Variants in VCPIP1 observed in about 807,000 individuals in gnomAD.
VCPIP1 encodes the protein valosin containing protein interacting protein 1, also known as deubiquitinating protein VCPIP1.
A neutral mutation model predicts 85.0 loss-of-function variants in VCPIP1; 8 were observed. That is an observed-to-expected ratio of 0.09 (90% confidence interval 0.06 to 0.17). The LOEUF (loss-of-function observed/expected upper bound fraction) is 0.17, where lower values mean the gene tolerates loss of function less well. Ranked by LOEUF, VCPIP1 falls within the 10% of genes least tolerant of loss-of-function variation. The probability of loss-of-function intolerance (pLI) is 1.00; values close to 1 mark genes in which losing one functional copy is unlikely to be tolerated. For missense variants in VCPIP1, 1,070 were observed against 1,486.3 expected, an observed-to-expected ratio of 0.72 and a Z score of 4.61; for synonymous variants, 543 against 544.5, an observed-to-expected ratio of 1.00 and a Z score of 0.04.
chr8:66,664,636 T>C lies in VCPIP1; in HGVS notation c.2323A>G (p.Lys775Glu). The change falls in exon 1 of 3, where the codon AAG becomes GAG. Residue 775 changes from lysine (K) to glutamate (E), a missense_variant. Physicochemically the swap from Lys to Glu is moderately conservative, Grantham distance 56. Around this residue, in one of 8 missense-constraint regions of VCPIP1, gnomAD observed 278 missense variants for 298.5 expected, o/e 0.93. Coordinates refer to ENST00000310421, the MANE Select transcript of VCPIP1 (RefSeq NM_025054.5). ...TCATTAGTTGTGATTCGGATCTTCT[T>C]CTCCTTAGAAGTTGTCGGTGAATAG... ...APYSPTTSKEKKIRITTNDGR... is the reference protein window; with the variant it reads ...APYSPTTSKEEKIRITTNDGR... The C allele has an allele frequency of 6.2e-7, 1 of 1,613,878 alleles. No individual in the cohort carries two copies.
intron 2 of VCPIP1, among the ~76,000 whole-genome samples, chr8:66,636,546 C>T (rs1255975256): frequency 6.6e-6 from 1 of 151,912 alleles, no homozygotes; most frequent in Non-Finnish European, 1.5e-5. Context: ...AGTTTGAGAC[C>T]AGCCTGGCCA....
intron 2 of VCPIP1, among the ~76,000 whole-genome samples, chr8:66,639,168 A>G (rs1810922547): frequency 6.6e-6 from 1 of 151,474 alleles, no homozygotes; most frequent in Admixed American, 6.6e-5. Context: ...TATTTTTAGT[A>G]GAGACAGGGT....
chr8:66,666,935 C>A lies in VCPIP1; in HGVS notation c.24G>T (p.Pro8=), dbSNP rs1811222869. 1.3e-6 allele frequency: 2 copies of A among 1,563,712 alleles called. No homozygotes were observed. The highest frequency in any genetic ancestry group is 1.7e-6 in the Non-Finnish European group (2 of 1,159,738). Residue 8 remains proline, a synonymous_variant, in exon 1 of 3, where the codon CCG becomes CCT. Coordinates refer to ENST00000310421, the MANE Select transcript of VCPIP1 (RefSeq NM_025054.5). The surrounding 1 kb of genome is among the most constrained non-coding windows in gnomAD (Gnocchi z 6.3). The part of the protein sequence containing the change: MSQPPPP[P]PPLPPPPPPP... Reference sequence around the variant, plus strand: ...GAGGAGGTGGCGGCGGCAACGGAGGCGGCGGCGGCGGCGGCTGAGACATAG... The same window carrying A: ...GAGGAGGTGGCGGCGGCAACGGAGGAGGCGGCGGCGGCGGCTGAGACATAG...
rs1008008964 is a variant in VCPIP1, at chr8:66,632,765, G to A, written c.*1736C>T. ...TTTGTAATTCGTAGTTTAATACACA[G>A]AAGCCACCTTTACTAAGTAGTAAAT... On this transcript the variant is annotated 3_prime_UTR_variant, in exon 3 of 3. Transcript: ENST00000310421. 2 of 152,078 alleles carry A rather than the reference G, an allele frequency of 1.3e-5. No homozygotes were observed. Among genetic ancestry groups the A allele is most frequent in the African/African-American group, 4.8e-5 (2 of 41,436 alleles). The allele number at this position is 152,078 out of a possible 1,614,324, so 9.4% of individuals were successfully genotyped here.
At chr8:66,654,788 C>A (rs1451765850) in intron 1 of VCPIP1, among the ~76,000 whole-genome samples, 1 of 152,166 alleles carries the variant, frequency 6.6e-6, no homozygotes, top group East Asian at 1.9e-4. Flanking sequence ...GCTGGTTTCC[C>A]TTGAGTCTTA....
At position 66,632,063 on chromosome 8, in the gene VCPIP1, G is replaced by A. The variant is rs1810839005; in HGVS notation, c.*2438C>T. On this transcript the variant is annotated 3_prime_UTR_variant, in exon 3 of 3. Transcript: ENST00000310421. ...ATTTTAGTTATAATGTTACCTCTAGGGCTAAAAAAAAAAAAAAAAACAAAT... is the reference window on the plus strand; with the variant it reads ...ATTTTAGTTATAATGTTACCTCTAGAGCTAAAAAAAAAAAAAAAAACAAAT... 6.7e-6 allele frequency: 1 copy of A among 148,570 alleles called. No individual in the cohort carries two copies. The highest frequency in any genetic ancestry group is 2.5e-5 in the African/African-American group (1 of 40,238). The allele number at this position is 148,570 out of a possible 1,614,324, so 9.2% of individuals were successfully genotyped here.
rs561106103 is a variant in VCPIP1 at position 66,642,850 on chromosome 8, G to A, written c.2798-7478C>T. ...AAAACACAACTGAAGGAAATTATTT[G>A]CAGTTGCATGGAAGATAGTGCATAT... On this transcript the variant is annotated intron_variant, in intron 2 of 2. Coordinates refer to ENST00000310421, the MANE Select transcript of VCPIP1 (RefSeq NM_025054.5). 4.6e-5 allele frequency among the ~76,000 whole-genome samples: 7 copies of A among 150,928 alleles called. No homozygotes were observed. In the South Asian group the frequency reaches 1.5e-3, roughly 32 times the overall value.
At chr8:66,639,600 A>T (rs187157642) in intron 2 of VCPIP1, among the ~76,000 whole-genome samples, 1 of 152,200 alleles carries the variant, frequency 6.6e-6, no homozygotes, top group East Asian at 1.9e-4. Flanking sequence ...TACTGGGATT[A>T]TAGGCATGGA....
chr8:66,664,597 T>A lies in VCPIP1; in HGVS notation c.2362A>T (p.Met788Leu). The A allele has an allele frequency of 6.2e-7, 1 of 1,614,178 alleles. No homozygotes were observed. The highest frequency in any genetic ancestry group is 1.1e-5 in the South Asian group (1 of 91,076). Residue 788 changes from methionine to leucine, a missense_variant, in exon 1 of 3, where the codon ATG (methionine) becomes TTG (leucine). By Grantham distance (15) the Met-to-Leu change is conservative. Transcript: ENST00000310421. ...RITTNDGRQSMVTLKSSTTFF... is the reference protein window; with the variant it reads ...RITTNDGRQSLVTLKSSTTFF... The stretch of plus-strand genomic sequence containing the variant: ...GTTGTTGAAGACTTAAGGGTAACCA[T>A]GGACTGTCGTCCATCATTAGTTGTG...
intron 1 of VCPIP1, among the ~76,000 whole-genome samples, chr8:66,651,941 G>C (rs959690181): frequency 6.6e-6 from 1 of 151,704 alleles, no homozygotes; most frequent in Admixed American, 6.6e-5. Flanking sequence ...GTACTTTGGG[G>C]GTCTGTGGAT....
rs1810831850 is a variant in VCPIP1 at position 66,631,241 on chromosome 8, T to C, written c.*3260A>G. ...AAATGAAGACAAAACTGTATTGATA[T>C]TCTGAAATAAACACTTTATGCTGCC... On this transcript the variant is annotated 3_prime_UTR_variant, in exon 3 of 3. Transcript: ENST00000310421. 1 of 152,218 alleles carries C rather than the reference T, an allele frequency of 6.6e-6. No individual in the cohort carries two copies. Among genetic ancestry groups the C allele is most frequent in the South Asian group, 2.1e-4 (1 of 4,836 alleles). 9.4% of individuals were successfully genotyped at this position (152,218 alleles called of 1,614,324 possible). A position where few individuals can be genotyped will look rare whatever the true frequency, so the allele number is the denominator to read the frequency against.
intron 1 of VCPIP1, among the ~76,000 whole-genome samples, chr8:66,654,228 C>T (rs1302707439): frequency 1.3e-5 from 2 of 152,280 alleles, no homozygotes; most frequent in Non-Finnish European, 2.9e-5. Context: ...GTAATCCCAA[C>T]ACTTTGGGAG....
intron 1 of VCPIP1, among the ~76,000 whole-genome samples, chr8:66,655,963 T>C (rs1811096113): frequency 6.6e-6 from 1 of 152,174 alleles, no homozygotes; most frequent in Non-Finnish European, 1.5e-5. Context: ...TTCAATCTTC[T>C]ACCTGAAACA....
At chr8:66,663,890 T>G (rs1811180592) in intron 1 of VCPIP1, among the ~76,000 whole-genome samples, 1 of 151,808 alleles carries the variant, frequency 6.6e-6, no homozygotes, top group Non-Finnish European at 1.5e-5. Context: ...AAAATAAAAA[T>G]TAAAAATAAA....
chr8:66,629,017 TAA>T lies in VCPIP1; in HGVS notation c.*5482_*5483del, dbSNP rs369328093. On this transcript the variant is annotated 3_prime_UTR_variant, in exon 3 of 3. Coordinates refer to ENST00000310421, the MANE Select transcript of VCPIP1 (RefSeq NM_025054.5). ...TTTAGTCAATTATGTACAAGTAAAA[TAA>T]GTTTTAATGTAACAAATTATTTAAA... The T allele has an allele frequency of 2.4e-4, 37 of 152,350 alleles. No homozygotes were observed. Among genetic ancestry groups the T allele is most frequent in the African/African-American group, 7.2e-4 (30 of 41,592 alleles). 9.4% of individuals were successfully genotyped at this position (152,350 alleles called of 1,614,324 possible). A position where few individuals can be genotyped will look rare whatever the true frequency, so the allele number is the denominator to read the frequency against.
intron 2 of VCPIP1, among the ~76,000 whole-genome samples, chr8:66,637,002 T>C (rs1425102912): frequency 1.3e-5 from 2 of 152,208 alleles, no homozygotes; most frequent in Admixed American, 6.5e-5. Context: ...TTTTAAATGA[T>C]AGGTGATGTT....
intron 2 of VCPIP1, 40 bp downstream of exon 2, chr8:66,651,418 G>A: frequency 7.0e-7 from 1 of 1,436,362 alleles, no homozygotes; most frequent in South Asian, 1.2e-5. Context: ...AACAGCTTCA[G>A]TAGAGCTATT....
chr8:66,639,457 C>A (rs530568403), intron 2 of VCPIP1, among the ~76,000 whole-genome samples: 1 of 145,796 alleles, frequency 6.9e-6, no homozygotes, highest in Non-Finnish European at 1.5e-5. Context: ...CAGGTTCAAG[C>A]GATTCTCATG....
chr8:66,662,256 GA>G (rs1811165135), intron 1 of VCPIP1, among the ~76,000 whole-genome samples: 1 of 152,150 alleles, frequency 6.6e-6, no homozygotes, highest in Non-Finnish European at 1.5e-5. Context: ...CAGGCAAAGG[GA>G]TAGAGATGTT....
Sources: gnomAD v4.1 joint callset for allele counts (sites outside exome capture counted in the v4.1 genomes callset) on GRCh38, gnomAD v4.1.1 for gene constraint, gnomAD v4.1.1 regional missense constraint, Gnocchi (gnomAD v3.1) non-coding constraint, MANE v1.5 for transcripts, NCBI Gene and HGNC (gene_info 2026-07-23, HGNC 2026-07-21) for gene names.